The following CYYR1 variants were observed in gnomAD, a reference collection of about 807,000 sequenced individuals.
The protein encoded by CYYR1 is cysteine and tyrosine-rich protein 1.
CYYR1 carries 14 observed loss-of-function variants against 15.2 expected under a neutral mutation model. The observed-to-expected ratio is 0.92, with a 90% CI of 0.61 to 1.44. The LOEUF (loss-of-function observed/expected upper bound fraction) is 1.44. Ranked by LOEUF, CYYR1 falls within the 40% of genes most tolerant of loss-of-function variation. The pLI is 0.00. For synonymous variants in CYYR1, 80 were observed against 77.4 expected, an observed-to-expected ratio of 1.03 and a Z score of -0.18; for missense variants, 228 against 209.5, an observed-to-expected ratio of 1.09 and a Z score of -0.54.
In CYYR1 at chr21:26,480,412, C is replaced by A. The variant is rs780267581; in HGVS notation, c.194G>T (p.Gly65Val). The A allele has an allele frequency of 1.2e-6, 2 of 1,611,456 alleles. No individual in the cohort carries two copies. The highest frequency in any genetic ancestry group is 1.7e-6 in the Non-Finnish European group (2 of 1,178,978). Reference protein sequence around the residue: ...GNILSGTAIAGIVFGIVFIMG... With the variant: ...GNILSGTAIAVIVFGIVFIMG... ...GATAAATACTATTCCAAAAACAATG[C>A]CCGCAATTGCAGTGCCCCTAAAAGG... The change falls in exon 3 of 4, where the codon GGC becomes GTC. Residue 65 changes from glycine to valine, a missense_variant. Transcript: ENST00000652641.
intron 2 of CYYR1, among the ~76,000 whole-genome samples, chr21:26,540,557 G>A (rs778236940): frequency 9.2e-5 from 14 of 152,076 alleles, no homozygotes; most frequent in Non-Finnish European, 1.6e-4. Flanking sequence ...TCTACACTAT[G>A]CACGCATGGG....
chr21:26,566,429 T>C, intron 1 of CYYR1, 61 bp from the exon 2 acceptor site: 2 of 1,320,076 alleles, frequency 1.5e-6, no homozygotes, highest in Non-Finnish European at 2.2e-6. Flanking sequence ...TCAAGAAAAA[T>C]TATTCTATTT....
chr21:26,545,212 A>G (rs1489006726), intron 2 of CYYR1, among the ~76,000 whole-genome samples: 1 of 152,110 alleles, frequency 6.6e-6, no homozygotes, highest in African/African-American at 2.4e-5. Flanking sequence ...TCTTATTTTT[A>G]AGGTTCAATT....
chr21:26,505,969 A>G (rs757330041), intron 2 of CYYR1, among the ~76,000 whole-genome samples: 10 of 152,222 alleles, frequency 6.6e-5, no homozygotes, highest in Non-Finnish European at 1.5e-4. Context: ...AATTCACAGC[A>G]GTACAATATA....
chr21:26,488,050 A>G (rs2065275161), intron 2 of CYYR1, among the ~76,000 whole-genome samples: 1 of 151,640 alleles, frequency 6.6e-6, no homozygotes, highest in African/African-American at 2.4e-5. Flanking sequence ...GGCTTTATAG[A>G]TAACTTCTTT....
rs1275279649 is a variant in CYYR1 at position 26,573,225 on chromosome 21, G to T, written c.-285C>A. The stretch of plus-strand genomic sequence containing the variant: ...ACTGCGCTCAGGCGCGGGGAAGGCG[G>T]CCACTCCGGCGTCCTTGGCCACCCA... On this transcript the variant is annotated 5_prime_UTR_variant, in exon 1 of 4. Transcript: ENST00000652641. 15 of 1,410,532 alleles carry T rather than the reference G, an allele frequency of 1.1e-5. No individual in the cohort carries two copies. The highest frequency in any genetic ancestry group is 1.4e-5 in the Non-Finnish European group (15 of 1,072,204). The allele number at this position is 1,410,532 out of a possible 1,614,324, so 87.4% of individuals were successfully genotyped here.
intron 2 of CYYR1, among the ~76,000 whole-genome samples, chr21:26,528,038 G>A (rs1661051190): frequency 6.6e-6 from 1 of 152,102 alleles, no homozygotes; most frequent in Non-Finnish European, 1.5e-5. Flanking sequence ...AGACATCCTG[G>A]TAGAAATCTT....
At chr21:26,543,928 T>TA (rs916762931) in intron 2 of CYYR1, among the ~76,000 whole-genome samples, 4 of 151,480 alleles carry the variant, frequency 2.6e-5, no homozygotes, top group Admixed American at 6.6e-5. Context: ...TAATAATAAA[T>TA]AAATAAAATA....
chr21:26,520,113 GATATATAT>G (rs71183558), intron 2 of CYYR1, among the ~76,000 whole-genome samples: 5,915 of 120,700 alleles, frequency 0.049, 611 homozygotes, highest in African/African-American at 0.18. Flanking sequence ...AAACCCAGGA[GATATATAT>G]ATATATATAT....
chr21:26,514,917 T>C (rs2065702864), intron 2 of CYYR1, among the ~76,000 whole-genome samples: 1 of 152,252 alleles, frequency 6.6e-6, no homozygotes, highest in Non-Finnish European at 1.5e-5. Context: ...CCCACCGCTA[T>C]ATCATACTTC....
intron 2 of CYYR1, among the ~76,000 whole-genome samples, chr21:26,492,642 G>A (rs896196726): frequency 2.0e-5 from 3 of 151,892 alleles, no homozygotes; most frequent in Non-Finnish European, 2.9e-5. Context: ...AGTCAGAAAC[G>A]TACCTTTGGG....
intron 2 of CYYR1, among the ~76,000 whole-genome samples, chr21:26,544,292 T>C (rs1187506190): frequency 6.6e-6 from 1 of 152,246 alleles, no homozygotes; most frequent in Non-Finnish European, 1.5e-5. Flanking sequence ...TCCTAAAATA[T>C]GAACTTAACA....
chr21:26,509,428 A>G (rs541303764), intron 2 of CYYR1, among the ~76,000 whole-genome samples: 89 of 152,292 alleles, frequency 5.8e-4, no homozygotes, highest in South Asian at 2.3e-3. Context: ...CCATAGAACC[A>G]AAGACCAGTT....
intron 3 of CYYR1, among the ~76,000 whole-genome samples, chr21:26,472,507 G>A (rs1018078505): frequency 6.6e-6 from 1 of 151,832 alleles, no homozygotes; most frequent in South Asian, 2.1e-4. Context: ...TAAAAATTTA[G>A]GTCTTTGTTT....
chr21:26,530,502 G>A (rs923975177), intron 2 of CYYR1, among the ~76,000 whole-genome samples: 1 of 151,910 alleles, frequency 6.6e-6, no homozygotes, highest in African/African-American at 2.4e-5. Context: ...TGGGATACAT[G>A]TGCAGAACGT....
At chr21:26,492,052 C>T (rs1405726045) in intron 2 of CYYR1, among the ~76,000 whole-genome samples, 1 of 152,216 alleles carries the variant, frequency 6.6e-6, no homozygotes, top group Non-Finnish European at 1.5e-5. Flanking sequence ...CCTGTGTCAG[C>T]CTGATGTGAT....
chr21:26,493,871 A>G (rs2065360490), intron 2 of CYYR1, among the ~76,000 whole-genome samples: 1 of 152,244 alleles, frequency 6.6e-6, no homozygotes, highest in African/African-American at 2.4e-5. Context: ...CTACTCTTTA[A>G]TACTGCATTA....
chr21:26,475,220 C>A (rs1298472009), intron 3 of CYYR1, among the ~76,000 whole-genome samples: 2 of 151,894 alleles, frequency 1.3e-5, no homozygotes, highest in African/African-American at 4.8e-5. Flanking sequence ...TTCTTCTTAA[C>A]CTCAAATACC....
chr21:26,533,861 C>A (rs1023840546), intron 2 of CYYR1, among the ~76,000 whole-genome samples: 3 of 152,050 alleles, frequency 2.0e-5, no homozygotes, highest in Admixed American at 6.6e-5. Flanking sequence ...TACATAAAAA[C>A]CCACCAAAGT....
Sources: allele counts gnomAD v4.1 joint callset (sites outside exome capture counted in the v4.1 genomes callset), GRCh38; gene constraint gnomAD v4.1.1; transcripts MANE v1.5; gene names NCBI Gene and HGNC (gene_info 2026-07-23, HGNC 2026-07-21).